GMDS: variants seen among roughly 807,000 people sequenced by gnomAD.
GMDS encodes the protein GDP-mannose 4,6-dehydratase.
In GMDS, 20 loss-of-function variants were observed where a neutral mutation model predicts 49.9. The observed-to-expected ratio is 0.40, with a 90% CI of 0.28 to 0.58. GMDS has a LOEUF of 0.58. Among genes scored for constraint, GMDS ranks in the 20% least tolerant of loss-of-function variants. GMDS has a pLI of 0.42. For missense variants in GMDS, 362 were observed against 481.4 expected (o/e 0.75, Z 2.32); for synonymous variants, 177 against 178.6 (o/e 0.99, Z 0.07).
intron 4 of GMDS, among the ~76,000 whole-genome samples, chr6:2,054,089 G>A (rs564946315): frequency 6.6e-6 from 1 of 152,168 alleles, no homozygotes; most frequent in East Asian, 1.9e-4. Flanking sequence ...ATTTATCAGG[G>A]AAAATGAAGC....
intron 4 of GMDS, among the ~76,000 whole-genome samples, chr6:2,080,519 C>T (rs1283587039): frequency 6.6e-6 from 1 of 152,168 alleles, no homozygotes; most frequent in East Asian, 1.9e-4. Context: ...GGGTAGGGCA[C>T]TTTAGCTATG....
At chr6:1,885,686 G>A (rs867075645) in intron 7 of GMDS, among the ~76,000 whole-genome samples, 3 of 152,192 alleles carry the variant, frequency 2.0e-5, no homozygotes, top group Non-Finnish European at 2.9e-5. Context: ...CGCTTCCCAC[G>A]TTTAAGTGTC....
At chr6:1,704,775 G>A (rs890866505) in intron 9 of GMDS, among the ~76,000 whole-genome samples, 8 of 152,006 alleles carry the variant, frequency 5.3e-5, no homozygotes, top group Admixed American at 2.0e-4. Context: ...GTCCCTGCCT[G>A]CGTGGAGCTT....
At chr6:1,910,474 C>T (rs1344938813) in intron 7 of GMDS, among the ~76,000 whole-genome samples, 1 of 152,042 alleles carries the variant, frequency 6.6e-6, no homozygotes, top group Non-Finnish European at 1.5e-5. Flanking sequence ...ATGGTAAATA[C>T]TGCTGTACGG....
At chr6:2,092,464 CCTACA>C (rs1215834632) in intron 4 of GMDS, among the ~76,000 whole-genome samples, 18 of 152,154 alleles carry the variant, frequency 1.2e-4, no homozygotes, top group African/African-American at 4.1e-4. Context: ...ACAGTATATA[CCTACA>C]CTAAAGTATA....
At chr6:1,969,814 A>G (rs1165944216) in intron 4 of GMDS, among the ~76,000 whole-genome samples, 1 of 151,892 alleles carries the variant, frequency 6.6e-6, no homozygotes, top group Non-Finnish European at 1.5e-5. Flanking sequence ...AGTCCATTGG[A>G]CTCTAAGTAC....
chr6:1,733,232 G>A (rs1437182144), intron 8 of GMDS, among the ~76,000 whole-genome samples: 1 of 152,236 alleles, frequency 6.6e-6, no homozygotes, highest in African/African-American at 2.4e-5. Flanking sequence ...GGAAGAGGCA[G>A]GCCAAGGTGA....
chr6:2,218,527 T>C (rs895726998), intron 1 of GMDS, among the ~76,000 whole-genome samples: 1 of 152,246 alleles, frequency 6.6e-6, no homozygotes, highest in African/African-American at 2.4e-5. Flanking sequence ...TGCCAGAAAG[T>C]AGTGATTCAC....
chr6:1,872,351 C>CA, intron 7 of GMDS, among the ~76,000 whole-genome samples: 1 of 152,328 alleles, frequency 6.6e-6, no homozygotes, highest in Non-Finnish European at 1.5e-5. Flanking sequence ...CTATGACTTG[C>CA]ATGATGTCTG....
rs539491540 is a variant in GMDS at position 1,901,057 on chromosome 6, G to A, written c.771+29046C>T. On this transcript the variant is annotated intron_variant, in intron 7 of 10. Coordinates refer to ENST00000380815, the MANE Select transcript of GMDS (RefSeq NM_001500.4). ...TCAGCAACCATCCACGTCAGAGAAC[G>A]GCGAAGCGCTGGTAGCAGAGCGTAA... Among the ~76,000 whole-genome samples the A allele has an allele frequency of 2.6e-5, 4 of 152,318 alleles. No individual in the cohort carries two copies. The South Asian group carries it at 6.2e-4, about 24-fold the overall frequency.
intron 9 of GMDS, among the ~76,000 whole-genome samples, chr6:1,629,872 A>G (rs1008492697): frequency 2.0e-5 from 3 of 152,198 alleles, no homozygotes; most frequent in African/African-American, 7.2e-5. Context: ...ATCCATCCGT[A>G]TGCATGCCCC....
intron 7 of GMDS, among the ~76,000 whole-genome samples, chr6:1,873,521 CTG>C (rs1181322792): frequency 1.3e-5 from 2 of 152,176 alleles, no homozygotes; most frequent in African/African-American, 4.8e-5. Context: ...AGCTTAGACA[CTG>C]AGAAATGAAA....
intron 9 of GMDS, among the ~76,000 whole-genome samples, chr6:1,683,919 T>G (rs186502434): frequency 3.3e-5 from 5 of 150,984 alleles, no homozygotes; most frequent in Non-Finnish European, 3.0e-5. Context: ...TTGCGATCGG[T>G]AGGCCTGGAT....
intron 7 of GMDS, among the ~76,000 whole-genome samples, chr6:1,889,364 C>A (rs1759767570): frequency 6.6e-6 from 1 of 152,100 alleles, no homozygotes; most frequent in Non-Finnish European, 1.5e-5. Flanking sequence ...CTGGTTTCTT[C>A]CTTATCTCTC....
At chr6:1,712,437 A>G (rs1766006246) in intron 9 of GMDS, among the ~76,000 whole-genome samples, 1 of 152,222 alleles carries the variant, frequency 6.6e-6, no homozygotes, top group South Asian at 2.1e-4. Context: ...AATTATTTTG[A>G]CTGAAGTGTT....
At chr6:1,985,879 C>A (rs1385925819) in intron 4 of GMDS, among the ~76,000 whole-genome samples, 2 of 152,182 alleles carry the variant, frequency 1.3e-5, no homozygotes, top group African/African-American at 2.4e-5. Context: ...GTCTTAAAAT[C>A]TAGCTTAGAG....
At chr6:1,831,794 G>C (rs1271834079) in intron 7 of GMDS, among the ~76,000 whole-genome samples, 1 of 152,038 alleles carries the variant, frequency 6.6e-6, no homozygotes, top group Non-Finnish European at 1.5e-5. Flanking sequence ...ATCCCTGGTA[G>C]CCTAGTTCCA....
chr6:1,847,546 G>A (rs980348819), intron 7 of GMDS, among the ~76,000 whole-genome samples: 6 of 152,124 alleles, frequency 3.9e-5, no homozygotes, highest in Non-Finnish European at 7.4e-5. Flanking sequence ...CCTTGCACAT[G>A]TCCCATGCTT....
chr6:1,798,381 T>C lies in GMDS; in HGVS notation c.772-55795A>G, dbSNP rs115953716. ...TCATATAAGTCACTGTAGTGGATAA[T>C]TTTAAAAGAAACCAGATTTTTAAAG... On this transcript the variant is annotated intron_variant, in intron 7 of 10. Transcript: ENST00000380815. Among the ~76,000 whole-genome samples, 579 of 152,272 alleles carry C rather than the reference T, an allele frequency of 3.8e-3. 5 individuals carry two copies. Among genetic ancestry groups the C allele is most frequent in the African/African-American group, 0.012 (519 of 41,550 alleles).
Sources: gnomAD v4.1 joint callset for allele counts (sites outside exome capture counted in the v4.1 genomes callset) on GRCh38, gnomAD v4.1.1 for gene constraint, MANE v1.5 for transcripts, NCBI Gene and HGNC (gene_info 2026-07-23, HGNC 2026-07-21) for gene names.